ANO6: variants seen among roughly 807,000 people sequenced by gnomAD.
ANO6 encodes anoctamin 6, also known as anoctamin-6.
Under a neutral mutation model 117.5 loss-of-function variants are expected in ANO6, and 106 were observed. The observed-to-expected ratio is 0.90, with a 90% CI of 0.77 to 1.06. The LOEUF (loss-of-function observed/expected upper bound fraction) is 1.06. ANO6 is among the 50% of genes least tolerant of loss of function. The pLI, the probability that ANO6 is intolerant of heterozygous loss-of-function variation, is 0.00. For missense variants in ANO6, 955 were observed against 1,121.1 expected (o/e 0.85, Z 2.12); for synonymous variants, 367 against 385.1 (o/e 0.95, Z 0.55).
At chr12:45,434,177 C>G (rs1943681628), downstream of ANO6, among the ~76,000 whole-genome samples, 1 of 152,196 alleles carries the variant, frequency 6.6e-6, no homozygotes, top group African/African-American at 2.4e-5. Context: ...CGCACAGGAA[C>G]TCAAGCAAGT....
intron 2 of ANO6, among the ~76,000 whole-genome samples, chr12:45,309,578 T>C (rs759849): frequency 0.9 from 135,013 of 150,748 alleles, 61,649 homozygotes; most frequent in Non-Finnish European, 0.99. Flanking sequence ...TTTTTTTTTT[T>C]CCCTGAGTAG....
At chr12:45,300,960 A>G (rs754171255) in intron 1 of ANO6, among the ~76,000 whole-genome samples, 2 of 152,250 alleles carry the variant, frequency 1.3e-5, no homozygotes, top group Non-Finnish European at 2.9e-5. Context: ...AGCGTCTTAC[A>G]GAATGACCTA....
chr12:45,352,233 G>A (rs534639793), intron 7 of ANO6, among the ~76,000 whole-genome samples: 10 of 152,124 alleles, frequency 6.6e-5, no homozygotes, highest in African/African-American at 1.7e-4. Flanking sequence ...CAGAAATAGA[G>A]TATCATAGCA....
chr12:45,246,415 T>A (rs757194653), intron 1 of ANO6, among the ~76,000 whole-genome samples: 3 of 152,162 alleles, frequency 2.0e-5, no homozygotes, highest in South Asian at 4.1e-4. Flanking sequence ...ATTTCTACAT[T>A]TGAGCATTCA....
At chr12:45,292,599 T>G (rs1939139192) in intron 1 of ANO6, 13 of 1,050,172 alleles carry the variant, frequency 1.2e-5, no homozygotes, top group African/African-American at 1.7e-5. Flanking sequence ...CAGTTGTGTG[T>G]GAGAATCAGT....
In ANO6 at chr12:45,388,154, C is replaced by A; in HGVS notation, c.1166-7C>A. The stretch of plus-strand genomic sequence containing the variant: ...AATCCACACAAGCTCTTCTGTCTCT[C>A]TGTTAGTTACCTTGTTTTTGGAGTT... On this transcript the variant is annotated splice_region_variant and splice_polypyrimidine_tract_variant and intron_variant, in intron 10 of 19. Transcript: ENST00000320560. 6.2e-7 allele frequency: 1 copy of A among 1,613,834 alleles called. No homozygotes were observed. The highest frequency in any genetic ancestry group is 8.5e-7 in the Non-Finnish European group (1 of 1,179,796).
intron 1 of ANO6, among the ~76,000 whole-genome samples, chr12:45,220,327 A>G (rs1757644281): frequency 6.6e-6 from 1 of 152,180 alleles, no homozygotes; most frequent in African/African-American, 2.4e-5. Flanking sequence ...ATTGAGGGGT[A>G]GACAGAGGAC....
At chr12:45,231,748 CG>C (rs1352611732) in intron 1 of ANO6, among the ~76,000 whole-genome samples, 2 of 152,102 alleles carry the variant, frequency 1.3e-5, no homozygotes, top group African/African-American at 2.4e-5. Flanking sequence ...GCTTCTATAA[CG>C]GGCATATCAC....
chr12:45,388,275 C>G lies in ANO6; in HGVS notation c.1280C>G (p.Thr427Ser), dbSNP rs780264330. The stretch of plus-strand genomic sequence containing the variant: ...CGACCAGAATACGAAGCACGATGTA[C>G]TCACGTAGTGATAAATGAGATTACT... ...QARPEYEARC[T>S]HVVINEITQE... Residue 427 changes from threonine (T) to serine (S), a missense_variant, in exon 11 of 20, where the codon ACT becomes AGT. Thr to Ser is a moderately conservative substitution (Grantham distance 58). Coordinates refer to ENST00000320560, the MANE Select transcript of ANO6 (RefSeq NM_001025356.3). The G allele has an allele frequency of 1.2e-6, 2 of 1,614,098 alleles. No homozygotes were observed. Among genetic ancestry groups the G allele is most frequent in the Admixed American group, 3.3e-5 (2 of 60,022 alleles).
chr12:45,309,016 A>C lies in ANO6; in HGVS notation c.150+6923A>C, dbSNP rs76989068. ...TCGAGGGGCCCCTGGGGTCTTGTGA[A>C]ATGAGTAGGTAATGTAGTTGTGGTC... On this transcript the variant is annotated intron_variant, in intron 2 of 19. Transcript: ENST00000320560. Among the ~76,000 whole-genome samples the C allele has an allele frequency of 6.1e-4, 93 of 152,196 alleles. No individual in the cohort carries two copies. The East Asian group carries it at 0.014, about 22-fold the overall frequency.
chr12:45,296,788 A>G (rs944816758), intron 1 of ANO6, among the ~76,000 whole-genome samples: 2 of 152,174 alleles, frequency 1.3e-5, no homozygotes, highest in African/African-American at 4.8e-5. Flanking sequence ...AATAACCTTA[A>G]TTATTCTTCA....
chr12:45,277,317 T>G (rs558933163), intron 1 of ANO6, among the ~76,000 whole-genome samples: 8 of 152,254 alleles, frequency 5.3e-5, no homozygotes, highest in Non-Finnish European at 1.2e-4. Flanking sequence ...TATTAGTTTT[T>G]CATATAGTTA....
chr12:45,253,659 C>T (rs1172509392), intron 1 of ANO6, among the ~76,000 whole-genome samples: 1 of 152,230 alleles, frequency 6.6e-6, no homozygotes, highest in East Asian at 1.9e-4. Context: ...TACTTTGAGT[C>T]AGTTATTATT....
Position 45,347,238 on chromosome 12 carries a change from G to A in ANO6, c.345+151G>A. 3 of 706,968 alleles carry A rather than the reference G, an allele frequency of 4.2e-6. No individual in the cohort carries two copies. In the South Asian group the frequency reaches 5.1e-5, roughly 12 times the overall value. The allele number at this position is 706,968 out of a possible 1,614,324, so 43.8% of individuals were successfully genotyped here. ...AGGAGTCAATCAAAATCTGCATTGT[G>A]TAGGATGTATTCTTTTTTTCTGATC... On this transcript the variant is annotated intron_variant, in intron 4 of 19. Transcript: ENST00000320560.
rs536955786 is a variant in ANO6, at chr12:45,362,396, A to C, written c.998+4972A>C. On this transcript the variant is annotated intron_variant, in intron 8 of 19. Transcript: ENST00000320560. ...GTCTTCTTTTTTTCTTGATCAGCCT[A>C]GCTAAGTTTGCCAATTTTGTTATCT... 2.0e-3 allele frequency among the ~76,000 whole-genome samples: 299 copies of C among 152,030 alleles called. 2 individuals are homozygous for C. The highest frequency in any genetic ancestry group is 6.8e-3 in the African/African-American group (284 of 41,514).
At chr12:45,422,021 A>G (rs1943378351) in intron 18 of ANO6, among the ~76,000 whole-genome samples, 1 of 152,220 alleles carries the variant, frequency 6.6e-6, no homozygotes, top group South Asian at 2.1e-4. Flanking sequence ...GAAACCAGAA[A>G]TAAGCCCAAA....
At chr12:45,377,656 T>C (rs1487985139) in intron 9 of ANO6, among the ~76,000 whole-genome samples, 2 of 152,216 alleles carry the variant, frequency 1.3e-5, no homozygotes, top group African/African-American at 4.8e-5. Context: ...GTAAATCATA[T>C]ATCTAAAAGT....
chr12:45,384,392 A>C (rs1327833933), intron 10 of ANO6, among the ~76,000 whole-genome samples: 3 of 152,208 alleles, frequency 2.0e-5, no homozygotes, highest in African/African-American at 7.2e-5. Flanking sequence ...CTTTGCACTC[A>C]CAGCTTGGCA....
chr12:45,243,191 C>T (rs908129958), intron 1 of ANO6, among the ~76,000 whole-genome samples: 6 of 152,158 alleles, frequency 3.9e-5, no homozygotes, highest in Admixed American at 1.3e-4. Flanking sequence ...TGGTGGCATG[C>T]ACCTGTAGTC....
Sources: allele counts gnomAD v4.1 joint callset (sites outside exome capture counted in the v4.1 genomes callset), GRCh38; gene constraint gnomAD v4.1.1; transcripts MANE v1.5; gene names NCBI Gene and HGNC (gene_info 2026-07-23, HGNC 2026-07-21).